The following INPP4B variants were observed in gnomAD, a reference collection of about 807,000 sequenced individuals.
INPP4B encodes inositol polyphosphate 4-phosphatase type II.
Under a neutral mutation model 122.5 loss-of-function variants are expected in INPP4B, and 55 were observed. The ratio of observed to expected loss-of-function variants is 0.45; its 90% CI spans 0.36 to 0.56. INPP4B has a LOEUF of 0.56. Ranked by LOEUF, INPP4B falls within the 20% of genes least tolerant of loss-of-function variation. INPP4B has a pLI of 0.00. For missense variants in INPP4B, 1,000 were observed against 1,097.7 expected, an observed-to-expected ratio of 0.91 and a Z score of 1.26; for synonymous variants, 403 against 388.7, an observed-to-expected ratio of 1.04 and a Z score of -0.43.
intron 2 of INPP4B, among the ~76,000 whole-genome samples, chr4:142,654,877 C>G (rs968677852): frequency 6.6e-6 from 1 of 152,140 alleles, no homozygotes; most frequent in Non-Finnish European, 1.5e-5. Flanking sequence ...TGAAGTGACA[C>G]AAATACCCAA....
At chr4:142,252,186 ATTT>A (rs36065435) in intron 11 of INPP4B, among the ~76,000 whole-genome samples, 22 of 90,222 alleles carry the variant, frequency 2.4e-4, no homozygotes, top group South Asian at 4.2e-4. Flanking sequence ...TATAGTAGTC[ATTT>A]TTTTTTTTTT....
intron 2 of INPP4B, among the ~76,000 whole-genome samples, chr4:142,656,573 C>A (rs1459046292): frequency 6.6e-6 from 1 of 152,120 alleles, no homozygotes; most frequent in East Asian, 1.9e-4. Flanking sequence ...GCCTAAGGAT[C>A]CCGCACAGCT....
At chr4:142,484,535 T>C (rs1342837880) in intron 2 of INPP4B, among the ~76,000 whole-genome samples, 1 of 152,082 alleles carries the variant, frequency 6.6e-6, no homozygotes, top group East Asian at 1.9e-4. Context: ...CAAAATATTT[T>C]TAAAAAGCAA....
intron 7 of INPP4B, among the ~76,000 whole-genome samples, chr4:142,357,326 G>C (rs1222697262): frequency 6.6e-6 from 1 of 151,940 alleles, no homozygotes; most frequent in Non-Finnish European, 1.5e-5. Context: ...TGGGGTCTTT[G>C]CTAACGGCAC....
Position 142,405,201 on chromosome 4 carries a change from C to T in INPP4B, c.255+5G>A. ...AGAGATTAATGTAGGCACACAGCAT[C>T]TCACCTCCACAATTTCGGTGCTGGA... On this transcript the variant is annotated splice_donor_5th_base_variant and intron_variant, in intron 6 of 25. Transcript: ENST00000262992. The T allele has an allele frequency of 6.5e-7, 1 of 1,539,904 alleles. No homozygotes were observed.
chr4:142,124,520 T>A lies in INPP4B; in HGVS notation c.1893+68A>T, dbSNP rs1797888641. ...AAAGCTGTCCCAATAAGAATTCTAT[T>A]CATCATCAAGGATAGGATGTTAACA... On this transcript the variant is annotated intron_variant, in intron 19 of 25. Coordinates refer to ENST00000262992, the MANE Select transcript of INPP4B (RefSeq NM_001101669.3). 5.9e-6 allele frequency: 8 copies of A among 1,363,808 alleles called. No homozygotes were observed. In the South Asian group the frequency reaches 9.8e-5, roughly 17 times the overall value. 84.5% of individuals were successfully genotyped at this position (1,363,808 alleles called of 1,614,324 possible).
chr4:142,447,806 A>T (rs1411094476), intron 3 of INPP4B, among the ~76,000 whole-genome samples: 2 of 152,142 alleles, frequency 1.3e-5, no homozygotes, highest in Non-Finnish European at 2.9e-5. Context: ...GGAAAATGGT[A>T]ACCCTGCCTC....
At position 142,431,185 on chromosome 4, in the gene INPP4B, C is replaced by T. The variant is rs2149373196; in HGVS notation, c.75G>A (p.Gly25=). Residue 25 remains glycine, a synonymous_variant, in exon 4 of 26, where the codon GGG becomes GGA. Coordinates refer to ENST00000262992, the MANE Select transcript of INPP4B (RefSeq NM_001101669.3). ...FLPTAQANDP[G]DCQFTSIQKT... ...CATACTTACTTGTGAACTGACAGTC[C>T]CCGGGATCATTGGCCTGGGCTGTAG... 1 of 1,612,872 alleles carries T rather than the reference C, an allele frequency of 6.2e-7. No individual in the cohort carries two copies. The highest frequency in any genetic ancestry group is 1.1e-5 in the South Asian group (1 of 91,024).
At chr4:142,263,708 C>T (rs1741405902) in intron 10 of INPP4B, among the ~76,000 whole-genome samples, 2 of 119,192 alleles carry the variant, frequency 1.7e-5, no homozygotes, top group South Asian at 5.8e-4. Context: ...GTACTAATCA[C>T]AAAAATAATG....
chr4:142,118,114 C>T lies in INPP4B; in HGVS notation c.2135+4014G>A, dbSNP rs191413996. On this transcript the variant is annotated intron_variant, in intron 21 of 25. Transcript: ENST00000262992. ...ATGTGAAGGACCTCTGCAAGGAGAA[C>T]TACAAACCACTGCTCAACGAAATAA... Among the ~76,000 whole-genome samples, 437 of 152,222 alleles carry T rather than the reference C, an allele frequency of 2.9e-3. 4 individuals carry two copies. The highest frequency in any genetic ancestry group is 6.8e-3 in the South Asian group (33 of 4,820).
intron 1 of INPP4B, among the ~76,000 whole-genome samples, chr4:142,845,619 G>A (rs1342728074): frequency 6.6e-6 from 1 of 152,122 alleles, no homozygotes; most frequent in Non-Finnish European, 1.5e-5. Flanking sequence ...GGTGGTCAAG[G>A]AGATGGGCTC....
chr4:142,840,403 C>A (rs1001207972), intron 1 of INPP4B, among the ~76,000 whole-genome samples: 1 of 152,056 alleles, frequency 6.6e-6, no homozygotes, highest in Non-Finnish European at 1.5e-5. Context: ...AAGTTTTTTT[C>A]TATCATGTTC....
chr4:142,475,349 CA>C (rs1819634167), intron 2 of INPP4B, among the ~76,000 whole-genome samples: 1 of 151,780 alleles, frequency 6.6e-6, no homozygotes, highest in Admixed American at 6.6e-5. Flanking sequence ...TAAAGGACAG[CA>C]ACTTCAAGGA....
intron 1 of INPP4B, among the ~76,000 whole-genome samples, chr4:142,761,290 C>A (rs780346851): frequency 1.3e-5 from 2 of 151,914 alleles, no homozygotes; most frequent in African/African-American, 4.8e-5. Context: ...CTCAGTCCTT[C>A]TGCAAGTTGG....
intron 2 of INPP4B, among the ~76,000 whole-genome samples, chr4:142,688,823 G>A (rs749559712): frequency 9.9e-5 from 15 of 152,170 alleles, no homozygotes; most frequent in Non-Finnish European, 1.5e-4. Context: ...TGCTCGTGGG[G>A]ATACCATCAC....
intron 7 of INPP4B, among the ~76,000 whole-genome samples, chr4:142,367,684 C>T (rs1486857359): frequency 6.6e-6 from 1 of 152,100 alleles, no homozygotes; most frequent in East Asian, 1.9e-4. Context: ...TTCATGCATC[C>T]ATAATACATC....
chr4:142,083,990 A>G (rs1393281355), intron 24 of INPP4B, among the ~76,000 whole-genome samples: 1 of 152,200 alleles, frequency 6.6e-6, no homozygotes, highest in Non-Finnish European at 1.5e-5. Context: ...CCATCAGAGT[A>G]CACAGGTTAG....
chr4:142,695,428 T>A (rs1436592965), intron 2 of INPP4B, among the ~76,000 whole-genome samples: 1 of 152,170 alleles, frequency 6.6e-6, no homozygotes, highest in Non-Finnish European at 1.5e-5. Context: ...AGAAGTGAGT[T>A]TTAATAATGC....
At chr4:142,824,994 G>GA (rs912508146) in intron 1 of INPP4B, among the ~76,000 whole-genome samples, 4 of 151,936 alleles carry the variant, frequency 2.6e-5, no homozygotes, top group Admixed American at 1.3e-4. Flanking sequence ...TACTGGAGGA[G>GA]AAAAAAATTA....
Sources: allele counts gnomAD v4.1 joint callset (sites outside exome capture counted in the v4.1 genomes callset), GRCh38; gene constraint gnomAD v4.1.1; transcripts MANE v1.5; gene names NCBI Gene and HGNC (gene_info 2026-07-23, HGNC 2026-07-21).